CLDN14: variants seen among roughly 807,000 people sequenced by gnomAD.
CLDN14 encodes the protein claudin 14, also known as claudin-14.
In CLDN14, 2 loss-of-function variants were observed where a neutral mutation model predicts 2.1. The observed-to-expected ratio is 0.96, with a 90% CI of 0.39 to 3.01. The LOEUF is 3.01. Ranked by LOEUF, CLDN14 falls within the 30% of genes most tolerant of loss-of-function variation. CLDN14 has a pLI of 0.09. For missense variants in CLDN14, 298 were observed against 328.0 expected, an observed-to-expected ratio of 0.91 and a Z score of 0.71; for synonymous variants, 136 against 154.4, an observed-to-expected ratio of 0.88 and a Z score of 0.88.
intron 1 of CLDN14, among the ~76,000 whole-genome samples, chr21:36,517,952 G>A (rs1248415652): frequency 1.3e-5 from 2 of 152,226 alleles, no homozygotes; most frequent in South Asian, 2.1e-4. Context: ...TGGCCTTTGG[G>A]CGTCAATTGC....
At chr21:36,523,383 A>G (rs1167436137) in intron 1 of CLDN14, among the ~76,000 whole-genome samples, 1 of 152,202 alleles carries the variant, frequency 6.6e-6, no homozygotes, top group Non-Finnish European at 1.5e-5. Flanking sequence ...TTTTGCAAAC[A>G]AGAGACTGCA....
intron 2 of CLDN14, among the ~76,000 whole-genome samples, chr21:36,492,833 C>T (rs1397419135): frequency 6.6e-6 from 1 of 152,180 alleles, no homozygotes; most frequent in Non-Finnish European, 1.5e-5. Flanking sequence ...GAAGGGGCCT[C>T]CCCTAGAGCC....
chr21:36,575,334 T>G (rs1157635156), intron 1 of CLDN14, among the ~76,000 whole-genome samples: 2 of 152,202 alleles, frequency 1.3e-5, no homozygotes, highest in Non-Finnish European at 2.9e-5. Context: ...CCAGGTTCTA[T>G]CCTATATCAT....
chr21:36,563,507 G>T (rs2087652073), intron 1 of CLDN14, among the ~76,000 whole-genome samples: 1 of 152,114 alleles, frequency 6.6e-6, no homozygotes, highest in South Asian at 2.1e-4. Context: ...ACAACAATCT[G>T]TCTTACTCCA....
intron 1 of CLDN14, among the ~76,000 whole-genome samples, chr21:36,472,059 A>G (rs1200116856): frequency 6.6e-6 from 1 of 152,238 alleles, no homozygotes; most frequent in East Asian, 1.9e-4. Flanking sequence ...TGGGCATGCA[A>G]TGAACTCTTA....
Position 36,498,551 on chromosome 21 carries a change from A to G in CLDN14, c.-82+11812T>C, listed in dbSNP as rs534582116. ...AGATTGGATACATGCACTTAATATCAGCAGACTTGTTGTGAGTATAAGCCT... is the reference window on the plus strand; with the variant it reads ...AGATTGGATACATGCACTTAATATCGGCAGACTTGTTGTGAGTATAAGCCT... On this transcript the variant is annotated intron_variant, in intron 2 of 2. Transcript: ENST00000342108. The surrounding 1 kb of genome is among the most constrained non-coding windows in gnomAD (Gnocchi z 4.9). Among the ~76,000 whole-genome samples, 109 of 152,318 alleles carry G rather than the reference A, an allele frequency of 7.2e-4. 1 individual carries two copies. Among genetic ancestry groups the G allele is most frequent in the African/African-American group, 2.4e-3 (100 of 41,580 alleles).
At chr21:36,509,187 A>C (rs567059982) in intron 2 of CLDN14, among the ~76,000 whole-genome samples, 1 of 152,350 alleles carries the variant, frequency 6.6e-6, no homozygotes, top group Admixed American at 6.5e-5. Flanking sequence ...GTTGAGCAGG[A>C]GGCGGCCCTA....
intron 1 of CLDN14, among the ~76,000 whole-genome samples, chr21:36,571,120 G>T (rs1275758061): frequency 1.3e-5 from 2 of 152,246 alleles, no homozygotes; most frequent in Non-Finnish European, 2.9e-5. Context: ...GATTACAGGC[G>T]TGAGCCGCCG....
At chr21:36,564,483 G>A (rs754482399) in intron 1 of CLDN14, among the ~76,000 whole-genome samples, 8 of 152,148 alleles carry the variant, frequency 5.3e-5, no homozygotes, top group Non-Finnish European at 7.3e-5. Flanking sequence ...GTGTGGTTTC[G>A]CCCCTGGAGG....
intron 1 of CLDN14, among the ~76,000 whole-genome samples, chr21:36,573,024 G>A (rs1413907446): frequency 5.9e-5 from 9 of 152,126 alleles, no homozygotes; most frequent in Non-Finnish European, 4.4e-5. Context: ...AGGGGAGGCC[G>A]GGCGTGGTGG....
chr21:36,571,611 G>C (rs1227418117), intron 1 of CLDN14, among the ~76,000 whole-genome samples: 1 of 152,190 alleles, frequency 6.6e-6, no homozygotes, highest in African/African-American at 2.4e-5. Flanking sequence ...GTGAGATGAA[G>C]GGGGTGGTGC....
At position 36,532,015 on chromosome 21, in the gene CLDN14, G is replaced by T. The variant is rs1184634022; in HGVS notation, c.-219-21515C>A. On this transcript the variant is annotated intron_variant, in intron 1 of 2. Coordinates refer to the CLDN14 transcript ENST00000342108. The stretch of plus-strand genomic sequence containing the variant: ...AAATAATTCATGGAAAAGTCACAGT[G>T]GCCTTGAAGTTCTCCAGATAACTAT... 4 of 152,214 alleles carry T rather than the reference G, an allele frequency of 2.6e-5. No homozygotes were observed. The East Asian group carries it at 7.7e-4, about 29-fold the overall frequency. The allele number at this position is 152,214 out of a possible 1,614,324, so 9.4% of individuals were successfully genotyped here.
At chr21:36,563,947 A>G (rs394110) in intron 1 of CLDN14, among the ~76,000 whole-genome samples, 113,396 of 152,128 alleles carry the variant, frequency 0.75, 43,875 homozygotes, top group Non-Finnish European at 0.87. Flanking sequence ...TGATCCCCCA[A>G]ACTCTTAAGG....
At chr21:36,548,886 T>C (rs2087543866) in intron 1 of CLDN14, among the ~76,000 whole-genome samples, 1 of 152,188 alleles carries the variant, frequency 6.6e-6, no homozygotes, top group Non-Finnish European at 1.5e-5. Flanking sequence ...CTGACTGCAG[T>C]GACCCCAGTG....
At chr21:36,486,973 T>G in intron 2 of CLDN14, 3 of 414,830 alleles carry the variant, frequency 7.2e-6, no homozygotes, top group Non-Finnish European at 9.2e-6. Context: ...AGGGTTGCTG[T>G]GGATTTTGTT....
intron 1 of CLDN14, among the ~76,000 whole-genome samples, chr21:36,463,612 C>T (rs2086607884): frequency 6.6e-6 from 1 of 152,170 alleles, no homozygotes; most frequent in Non-Finnish European, 1.5e-5. Context: ...ACTCAGGAGG[C>T]TGAGGCAGGA....
At chr21:36,549,436 C>T (rs534981583) in intron 1 of CLDN14, among the ~76,000 whole-genome samples, 2 of 152,116 alleles carry the variant, frequency 1.3e-5, no homozygotes, top group Admixed American at 6.5e-5. Context: ...GAGCGTGTGG[C>T]CCCCGGGTAA....
At chr21:36,558,090 G>A (rs918130376) in intron 1 of CLDN14, among the ~76,000 whole-genome samples, 6 of 152,130 alleles carry the variant, frequency 3.9e-5, no homozygotes, top group African/African-American at 1.4e-4. Context: ...TCAGTTGATT[G>A]TATATCTGTG....
chr21:36,550,681 T>C (rs571424244), intron 1 of CLDN14, among the ~76,000 whole-genome samples: 30 of 152,288 alleles, frequency 2.0e-4, no homozygotes, highest in Middle Eastern at 3.4e-3. Context: ...TGGCCTTCTC[T>C]AGTTCTTGGA....
Sources: allele counts gnomAD v4.1 joint callset (sites outside exome capture counted in the v4.1 genomes callset), GRCh38; gene constraint gnomAD v4.1.1; non-coding constraint Gnocchi (gnomAD v3.1); transcripts MANE v1.5; gene names NCBI Gene and HGNC (gene_info 2026-07-23, HGNC 2026-07-21).